The following CAMK4 variants were observed in gnomAD, a reference collection of about 807,000 sequenced individuals.
CAMK4 encodes the protein calcium/calmodulin-dependent protein kinase type IV.
In CAMK4, 22 loss-of-function variants were observed where a neutral mutation model predicts 44.9. That is an observed-to-expected ratio of 0.49 (90% CI 0.35 to 0.70). The LOEUF (loss-of-function observed/expected upper bound fraction) is 0.70. Ranked by LOEUF, CAMK4 falls within the 30% of genes least tolerant of loss-of-function variation. The probability of loss-of-function intolerance (pLI) is 0.01; values close to 1 mark genes in which losing one functional copy is unlikely to be tolerated. For missense variants in CAMK4, 498 were observed against 586.8 expected (o/e 0.85, Z 1.56); for synonymous variants, 218 against 215.4 (o/e 1.01, Z -0.11).
intron 1 of CAMK4, among the ~76,000 whole-genome samples, chr5:111,254,486 C>T (rs1318065102): frequency 1.3e-5 from 2 of 152,216 alleles, no homozygotes; most frequent in Non-Finnish European, 2.9e-5. Flanking sequence ...AATGCCTTCA[C>T]ACTCTGTAAT....
At chr5:111,430,381 C>T (rs1200580158) in intron 5 of CAMK4, among the ~76,000 whole-genome samples, 2 of 152,182 alleles carry the variant, frequency 1.3e-5, no homozygotes, top group African/African-American at 2.4e-5. Flanking sequence ...AAACTGACAG[C>T]CTTTTCTCTA....
intron 5 of CAMK4, among the ~76,000 whole-genome samples, chr5:111,413,454 G>C (rs1752701301): frequency 1.3e-5 from 2 of 152,042 alleles, no homozygotes; most frequent in Admixed American, 1.3e-4. Context: ...ATGTGCACCT[G>C]CAGTTCCAGC....
intron 1 of CAMK4, among the ~76,000 whole-genome samples, chr5:111,319,709 C>A (rs306079): frequency 0.45 from 68,635 of 151,926 alleles, 15,673 homozygotes; most frequent in East Asian, 0.51. Context: ...ATGTAGAAAG[C>A]ATATCCAGTT....
chr5:111,289,562 A>G (rs1751363739), intron 1 of CAMK4, among the ~76,000 whole-genome samples: 1 of 152,222 alleles, frequency 6.6e-6, no homozygotes, highest in African/African-American at 2.4e-5. Context: ...AGTAATCTCA[A>G]GGCTGTATTT....
chr5:111,482,791 A>C lies in CAMK4; in HGVS notation c.835A>C (p.Lys279Gln). The change falls in exon 10 of 11, where the codon AAA (lysine) becomes CAA (glutamine). Residue 279 changes from lysine (K) to glutamine (Q), a missense_variant. By Grantham distance (53) the Lys-to-Gln change is moderately conservative. Around this residue, in one of 3 missense-constraint regions of CAMK4, gnomAD observed 203 missense variants for 298.2 expected, o/e 0.68. Transcript: ENST00000282356. This position sits in a 1 kb window ranked among gnomAD's most constrained non-coding sequence, Gnocchi z 4.9. ...TGGTTCTTTATTATTTCAGGTCAGA[A>C]AATTAATTGTTTTGGATCCAAAGAA... ...VSLNAKDLVR[K>Q]LIVLDPKKRL... 6.2e-7 allele frequency: 1 copy of C among 1,604,890 alleles called. No homozygotes were observed. The highest frequency in any genetic ancestry group is 8.5e-7 in the Non-Finnish European group (1 of 1,177,376).
chr5:111,330,071 C>A (rs1348777763), intron 1 of CAMK4, among the ~76,000 whole-genome samples: 11 of 146,280 alleles, frequency 7.5e-5, no homozygotes, highest in African/African-American at 2.5e-4. Flanking sequence ...GGTAGAAGTC[C>A]TCAGAATTCT....
rs111344354 is a variant in CAMK4 at position 111,426,919 on chromosome 5, G to A, written c.460-19767G>A. On this transcript the variant is annotated intron_variant, in intron 5 of 10. Transcript: ENST00000282356. ...AGCCTCCAGGTAAACTTGCAAGGCA[G>A]TCTAGGCCACAAGGACTGCAACTCT... Among the ~76,000 whole-genome samples the A allele has an allele frequency of 5.7e-3, 871 of 152,320 alleles. 10 individuals are homozygous for A. Among genetic ancestry groups the A allele is most frequent in the Non-Finnish European group, 0.01 (683 of 68,022 alleles).
chr5:111,476,263 G>GTATGTGTT (rs1325398843), intron 8 of CAMK4, among the ~76,000 whole-genome samples: 14 of 134,348 alleles, frequency 1.0e-4, no homozygotes, highest in African/African-American at 4.2e-4. Flanking sequence ...GTGTGTGTGT[G>GTATGTGTT]TGTGTGTTTG....
intron 1 of CAMK4, among the ~76,000 whole-genome samples, chr5:111,255,813 T>G (rs1749715833): frequency 6.6e-6 from 1 of 152,246 alleles, no homozygotes; most frequent in Admixed American, 6.5e-5. Flanking sequence ...GCCCATTTCC[T>G]GCTCACCACT....
At chr5:111,311,725 C>T (rs1001763573) in intron 1 of CAMK4, among the ~76,000 whole-genome samples, 2 of 152,258 alleles carry the variant, frequency 1.3e-5, no homozygotes, top group South Asian at 4.1e-4. Flanking sequence ...TCAAAGACAT[C>T]AAATTGTTCT....
chr5:111,468,102 A>T (rs886787795), intron 7 of CAMK4, among the ~76,000 whole-genome samples: 1 of 152,228 alleles, frequency 6.6e-6, no homozygotes. Flanking sequence ...GTTCTCCCTC[A>T]TAAGTGGGAG....
At chr5:111,456,885 T>G (rs1480232156) in intron 7 of CAMK4, among the ~76,000 whole-genome samples, 1 of 152,204 alleles carries the variant, frequency 6.6e-6, no homozygotes, top group East Asian at 1.9e-4. Flanking sequence ...AAAGATGGGA[T>G]TTGTTCCTTA....
chr5:111,294,296 A>C (rs1168042983), intron 1 of CAMK4, among the ~76,000 whole-genome samples: 2 of 152,234 alleles, frequency 1.3e-5, no homozygotes, highest in Non-Finnish European at 2.9e-5. Context: ...AATGCTAAAA[A>C]TGCTATTTAG....
chr5:111,438,688 G>A (rs1013909988), intron 5 of CAMK4, among the ~76,000 whole-genome samples: 1 of 152,118 alleles, frequency 6.6e-6, no homozygotes, highest in Non-Finnish European at 1.5e-5. Flanking sequence ...AACAAACACT[G>A]TAAATGTTCA....
rs563814489 is a variant in CAMK4 at position 111,430,690 on chromosome 5, A to G, written c.460-15996A>G. On this transcript the variant is annotated intron_variant, in intron 5 of 10. Transcript: ENST00000282356. ...AACAATGTGAAAAAGAAATTTAAAA[A>G]GTAATCCCACCTAAAATAGCCACAA... is the stretch of plus-strand genomic sequence containing the variant. Among the ~76,000 whole-genome samples the G allele has an allele frequency of 5.3e-5, 8 of 152,336 alleles. No homozygotes were observed. In the East Asian group the frequency reaches 1.5e-3, roughly 29 times the overall value.
chr5:111,412,095 A>G (rs1292048794), intron 5 of CAMK4, among the ~76,000 whole-genome samples: 1 of 152,180 alleles, frequency 6.6e-6, no homozygotes, highest in African/African-American at 2.4e-5. Flanking sequence ...AAAAATTAAA[A>G]TCTGAACTAA....
chr5:111,450,896 A>G (rs1240741386), intron 7 of CAMK4, among the ~76,000 whole-genome samples: 2 of 152,098 alleles, frequency 1.3e-5, no homozygotes, highest in African/African-American at 4.8e-5. Flanking sequence ...AAGAAGGGTG[A>G]TATTTTGAAT....
intron 7 of CAMK4, among the ~76,000 whole-genome samples, chr5:111,455,459 G>A (rs1481431728): frequency 7.9e-5 from 12 of 152,164 alleles, no homozygotes; most frequent in Admixed American, 5.9e-4. Flanking sequence ...TTCAGCTATT[G>A]AATGTGAAGG....
chr5:111,309,283 AGGAGAGGAAAACCTTTGACCTGG>A (rs1374307855), intron 1 of CAMK4, among the ~76,000 whole-genome samples: 1 of 152,196 alleles, frequency 6.6e-6, no homozygotes, highest in Non-Finnish European at 1.5e-5. Flanking sequence ...TGAGAGATGT[AGGAGAGGAAAACCTTTGACCTGG>A]GTCTTAGGTG....
Sources: allele counts gnomAD v4.1 joint callset (sites outside exome capture counted in the v4.1 genomes callset), GRCh38; gene constraint gnomAD v4.1.1; regional missense constraint gnomAD v4.1.1; non-coding constraint Gnocchi (gnomAD v3.1); transcripts MANE v1.5; gene names NCBI Gene and HGNC (gene_info 2026-07-23, HGNC 2026-07-21).